The following PPP2R2B variants were observed in gnomAD, a reference collection of about 807,000 sequenced individuals.
PPP2R2B encodes serine/threonine-protein phosphatase 2A 55 kDa regulatory subunit B beta isoform.
In PPP2R2B, 5 loss-of-function variants were observed where a neutral mutation model predicts 46.0. The observed-to-expected ratio is 0.11, with a 90% CI of 0.06 to 0.23. The LOEUF is 0.23. Among genes scored for constraint, PPP2R2B ranks in the 10% least tolerant of loss-of-function variants. The probability of loss-of-function intolerance (pLI) is 1.00; values close to 1 mark genes in which losing one functional copy is unlikely to be tolerated. For synonymous variants in PPP2R2B, 215 were observed against 206.7 expected (o/e 1.04, Z -0.34); for missense variants, 367 against 575.0 (o/e 0.64, Z 3.70).
intron 2 of PPP2R2B, among the ~76,000 whole-genome samples, chr5:146,793,358 T>C (rs1052825370): frequency 6.6e-6 from 1 of 152,152 alleles, no homozygotes; most frequent in Non-Finnish European, 1.5e-5. Flanking sequence ...AAATATGGAA[T>C]TCAGGACTGG....
intron 6 of PPP2R2B, among the ~76,000 whole-genome samples, chr5:146,644,201 T>C (rs1439215433): frequency 7.9e-6 from 1 of 126,462 alleles, no homozygotes; most frequent in Non-Finnish European, 1.6e-5. Context: ...AAAAGTGGAT[T>C]AGGAACCTGA....
At chr5:146,974,927 G>GCCTCCC (rs1752831105) in intron 1 of PPP2R2B, among the ~76,000 whole-genome samples, 2 of 152,024 alleles carry the variant, frequency 1.3e-5, no homozygotes, top group African/African-American at 4.8e-5. Context: ...CCGACCTCGT[G>GCCTCCC]ATCCGCCCAC....
chr5:146,950,754 T>C lies in PPP2R2B; in HGVS notation c.79+104911A>G, dbSNP rs183214092. Among the ~76,000 whole-genome samples the C allele has an allele frequency of 3.9e-5, 6 of 152,074 alleles. No homozygotes were observed. In the East Asian group the frequency reaches 9.7e-4, roughly 25 times the overall value. ...AGACCAAGTCTCTTGCTTGAATAAA[T>C]GTCAAAAGAGGGTGACTAAAGTCAT... is the stretch of plus-strand genomic sequence containing the variant. On this transcript the variant is annotated intron_variant, in intron 1 of 8. Coordinates refer to the PPP2R2B transcript ENST00000336640.
intron 1 of PPP2R2B, among the ~76,000 whole-genome samples, chr5:146,999,519 C>A (rs552153017): frequency 6.6e-6 from 1 of 152,282 alleles, no homozygotes; most frequent in East Asian, 1.9e-4. Context: ...GGTCTTTTCC[C>A]AGGCTCCTCA....
At chr5:146,723,577 C>G (rs1327078352) in intron 2 of PPP2R2B, among the ~76,000 whole-genome samples, 1 of 152,098 alleles carries the variant, frequency 6.6e-6, no homozygotes, top group Non-Finnish European at 1.5e-5. Context: ...GTAATTAACA[C>G]CTCAGAATAA....
chr5:146,708,356 C>CAA (rs112342262), intron 2 of PPP2R2B, among the ~76,000 whole-genome samples: 1,994 of 109,958 alleles, frequency 0.018, 47 homozygotes, highest in East Asian at 0.061. Context: ...GACTTGGTCT[C>CAA]AAAAAAAAAA....
At chr5:146,999,757 T>C (rs1754080958) in intron 1 of PPP2R2B, among the ~76,000 whole-genome samples, 2 of 152,196 alleles carry the variant, frequency 1.3e-5, no homozygotes, top group South Asian at 4.2e-4. Context: ...AGCAGTGCAA[T>C]AGAATAGAAA....
intron 1 of PPP2R2B, among the ~76,000 whole-genome samples, chr5:146,907,791 A>C (rs575571): frequency 0.49 from 74,569 of 152,066 alleles, 20,164 homozygotes; most frequent in East Asian, 0.73. Flanking sequence ...GTGAGTTATT[A>C]ACTATTGGGT....
rs145790384 is a variant in PPP2R2B at position 146,960,339 on chromosome 5, G to A, written c.79+95326C>T. Reference sequence around the variant, plus strand: ...GAGTCTCACTCTGTCACCCAGGCTGGAGTGCAGTGGCACAATCTCGGCTCA... The same window carrying A: ...GAGTCTCACTCTGTCACCCAGGCTGAAGTGCAGTGGCACAATCTCGGCTCA... On this transcript the variant is annotated intron_variant, in intron 1 of 8. Transcript: ENST00000336640. Among the ~76,000 whole-genome samples, 1,477 of 152,134 alleles carry A rather than the reference G, an allele frequency of 9.7e-3. 12 individuals are homozygous for A. Among genetic ancestry groups the A allele is most frequent in the Non-Finnish European group, 0.016 (1,119 of 68,024 alleles).
intron 1 of PPP2R2B, among the ~76,000 whole-genome samples, chr5:146,937,932 G>A (rs1764207385): frequency 6.6e-6 from 1 of 152,092 alleles, no homozygotes; most frequent in Non-Finnish European, 1.5e-5. Context: ...GCACTGTCAT[G>A]TTCGTCTTTG....
intron 7 of PPP2R2B, among the ~76,000 whole-genome samples, chr5:146,619,262 C>T (rs1190102850): frequency 1.4e-5 from 2 of 147,490 alleles, no homozygotes; most frequent in African/African-American, 5.1e-5. Context: ...GTCAGCAGTT[C>T]GAAGCCAGCC....
chr5:146,679,952 G>A (rs1452024538), intron 5 of PPP2R2B, among the ~76,000 whole-genome samples: 1 of 105,488 alleles, frequency 9.5e-6, no homozygotes. Flanking sequence ...TGGTGGGACT[G>A]TAAACTAGTT....
At chr5:147,079,856 A>C (rs1757924270) in intron 2 of PPP2R2B, among the ~76,000 whole-genome samples, 4 of 152,148 alleles carry the variant, frequency 2.6e-5, no homozygotes, top group Non-Finnish European at 5.9e-5. Context: ...ACCACAAATA[A>C]ATGATAAATA....
intron 1 of PPP2R2B, among the ~76,000 whole-genome samples, chr5:147,043,645 T>G (rs546733831): frequency 1.3e-5 from 2 of 152,182 alleles, no homozygotes; most frequent in African/African-American, 4.8e-5. Context: ...CCTATTTACT[T>G]CCTCAGACTT....
upstream of PPP2R2B, among the ~76,000 whole-genome samples, chr5:147,056,570 T>C (rs1757091427): frequency 1.3e-5 from 2 of 152,260 alleles, no homozygotes; most frequent in South Asian, 2.1e-4. Context: ...TGACCCTTCA[T>C]CAATCTGTGA....
At chr5:146,670,474 C>CATT (rs1561818476) in intron 5 of PPP2R2B, among the ~76,000 whole-genome samples, 1 of 95,922 alleles carries the variant, frequency 1.0e-5, no homozygotes, top group East Asian at 3.0e-4. Context: ...TTTATGTGTA[C>CATT]TATTATTTAT....
At chr5:146,967,735 AG>A (rs1406134422) in intron 1 of PPP2R2B, among the ~76,000 whole-genome samples, 2 of 152,180 alleles carry the variant, frequency 1.3e-5, no homozygotes, top group East Asian at 3.9e-4. Flanking sequence ...TAGAGATGCC[AG>A]GCATCCTGCA....
chr5:146,770,051 G>C (rs1242654723), intron 2 of PPP2R2B, among the ~76,000 whole-genome samples: 2 of 152,020 alleles, frequency 1.3e-5, no homozygotes, highest in Non-Finnish European at 2.9e-5. Flanking sequence ...GAATTTGGCT[G>C]GGTGTAGTGG....
upstream of PPP2R2B, among the ~76,000 whole-genome samples, chr5:147,060,242 T>A (rs1757216355): frequency 6.6e-6 from 1 of 152,144 alleles, no homozygotes; most frequent in Non-Finnish European, 1.5e-5. Context: ...TTTAAAATAC[T>A]CGTTCATTAT....
Sources: allele counts gnomAD v4.1 joint callset (sites outside exome capture counted in the v4.1 genomes callset), GRCh38; gene constraint gnomAD v4.1.1; transcripts MANE v1.5; gene names NCBI Gene and HGNC (gene_info 2026-07-23, HGNC 2026-07-21).